Variants in CTSO observed in about 807,000 individuals in gnomAD.
The protein encoded by CTSO is cathepsin O.
Under a neutral mutation model 42.4 loss-of-function variants are expected in CTSO, and 40 were observed. That is an observed-to-expected ratio of 0.94 (90% CI 0.73 to 1.23). CTSO has a LOEUF of 1.23. Ranked by LOEUF, CTSO falls within the 50% of genes most tolerant of loss-of-function variation. The pLI, the probability that CTSO is intolerant of heterozygous loss-of-function variation, is 0.00. For synonymous variants in CTSO, 156 were observed against 146.2 expected (o/e 1.07, Z -0.48); for missense variants, 441 against 396.0 (o/e 1.11, Z -0.96).
intron 3 of CTSO, among the ~76,000 whole-genome samples, chr4:155,941,694 T>C (rs1428054418): frequency 6.6e-6 from 1 of 152,226 alleles, no homozygotes; most frequent in East Asian, 1.9e-4. Context: ...GTCATGCTAC[T>C]GCTCAATTCT....
intron 4 of CTSO, among the ~76,000 whole-genome samples, chr4:155,938,687 G>C (rs1186956526): frequency 2.6e-5 from 4 of 152,126 alleles, no homozygotes; most frequent in African/African-American, 9.7e-5. Flanking sequence ...AGCACTTTGG[G>C]AGGCTGAGGC....
intron 6 of CTSO, 96 bp downstream of exon 6, chr4:155,929,446 T>A: frequency 1.1e-5 from 14 of 1,296,402 alleles, no homozygotes; most frequent in Non-Finnish European, 1.5e-5. Context: ...GACTTAATCA[T>A]AGCAGAACCA....
intron 5 of CTSO, among the ~76,000 whole-genome samples, chr4:155,931,806 TATA>T (rs1243017221): frequency 3.3e-5 from 5 of 150,890 alleles, no homozygotes; most frequent in African/African-American, 1.2e-4. Flanking sequence ...GAATTATTAT[TATA>T]ATTATTATTA....
intron 5 of CTSO, among the ~76,000 whole-genome samples, chr4:155,935,926 A>G (rs1375918722): frequency 6.6e-6 from 1 of 151,812 alleles, no homozygotes; most frequent in East Asian, 1.9e-4. Context: ...AATGCCAACA[A>G]CTCCTGCATT....
intron 4 of CTSO, 73 bp downstream of exon 4, chr4:155,939,298 G>A: frequency 1.5e-6 from 2 of 1,316,580 alleles, no homozygotes; most frequent in Non-Finnish European, 2.1e-6. Flanking sequence ...TGAACAAACT[G>A]TTTGAATTTT....
At chr4:155,931,049 T>C (rs1034928366) in intron 5 of CTSO, among the ~76,000 whole-genome samples, 1 of 152,120 alleles carries the variant, frequency 6.6e-6, no homozygotes, top group African/African-American at 2.4e-5. Flanking sequence ...AGGATAAAAT[T>C]ATGGCATACA....
intron 1 of CTSO, among the ~76,000 whole-genome samples, chr4:155,951,483 G>A (rs1415847464): frequency 1.3e-5 from 2 of 152,178 alleles, no homozygotes; most frequent in Non-Finnish European, 2.9e-5. Flanking sequence ...CCATAGTGGA[G>A]TCTAGTTTTC....
At chr4:155,933,980 G>A (rs11734585) in intron 5 of CTSO, among the ~76,000 whole-genome samples, 94,638 of 152,188 alleles carry the variant, frequency 0.62, 32,584 homozygotes, top group East Asian at 0.9. Flanking sequence ...AGAAATTTGC[G>A]TAAGTAGCAA....
At chr4:155,937,273 C>A in intron 5 of CTSO, 89 bp downstream of exon 5, 2 of 951,468 alleles carry the variant, frequency 2.1e-6, no homozygotes, top group Non-Finnish European at 3.2e-6. Flanking sequence ...TAAGAGTATG[C>A]AGTGATGCCT....
chr4:155,933,673 T>G (rs1743274809), intron 5 of CTSO, among the ~76,000 whole-genome samples: 1 of 152,132 alleles, frequency 6.6e-6, no homozygotes, highest in Non-Finnish European at 1.5e-5. Context: ...CAGATGGAGA[T>G]GAGAAACTTG....
At chr4:155,947,303 A>G (rs188733323) in intron 1 of CTSO, among the ~76,000 whole-genome samples, 3 of 152,278 alleles carry the variant, frequency 2.0e-5, no homozygotes, top group African/African-American at 7.2e-5. Context: ...TAAAATAATA[A>G]TTGGAAAACA....
At chr4:155,946,384 A>T (rs532274058) in intron 1 of CTSO, among the ~76,000 whole-genome samples, 91 of 152,316 alleles carry the variant, frequency 6.0e-4, no homozygotes, top group African/African-American at 2.1e-3. Flanking sequence ...TGAATGTATT[A>T]TTTATTTATT....
intron 1 of CTSO, among the ~76,000 whole-genome samples, chr4:155,950,066 T>C (rs1743620016): frequency 6.6e-6 from 1 of 152,232 alleles, no homozygotes; most frequent in Non-Finnish European, 1.5e-5. Context: ...GTATTTTCTA[T>C]ACAGTGTACT....
chr4:155,939,224 T>C (rs1743383881), intron 4 of CTSO, 147 bp downstream of exon 4: 3 of 612,512 alleles, frequency 4.9e-6, no homozygotes, highest in Admixed American at 3.3e-5. Flanking sequence ...TTAAATATTC[T>C]GATTAATTAC....
rs1027611160 is a variant in CTSO, at chr4:155,924,664, T to G, written c.*1372A>C. 1 of 152,192 alleles carries G rather than the reference T, an allele frequency of 6.6e-6. No homozygotes were observed. Among genetic ancestry groups the G allele is most frequent in the Non-Finnish European group, 1.5e-5 (1 of 68,030 alleles). The allele number at this position is 152,192 out of a possible 1,614,324, so 9.4% of individuals were successfully genotyped here. A position where few individuals can be genotyped will look rare whatever the true frequency, so the allele number is the denominator to read the frequency against. Reference sequence around the variant, plus strand: ...AATAATTTTCTTGTATTGATTCATTTAATATGGTTGTGCTTATATTCAATC... The same window carrying G: ...AATAATTTTCTTGTATTGATTCATTGAATATGGTTGTGCTTATATTCAATC... On this transcript the variant is annotated 3_prime_UTR_variant, in exon 8 of 8. Coordinates refer to ENST00000433477, the MANE Select transcript of CTSO (RefSeq NM_001334.3).
At chr4:155,932,465 G>C (rs1176104020) in intron 5 of CTSO, among the ~76,000 whole-genome samples, 2 of 152,074 alleles carry the variant, frequency 1.3e-5, no homozygotes, top group African/African-American at 4.8e-5. Flanking sequence ...CAAATGCTTT[G>C]GAAGACCTTC....
intron 5 of CTSO, among the ~76,000 whole-genome samples, chr4:155,932,371 G>GC (rs1242447885): frequency 6.6e-6 from 1 of 152,008 alleles, no homozygotes; most frequent in Non-Finnish European, 1.5e-5. Context: ...TAGCTATATG[G>GC]CTCTCCCTGA....
chr4:155,943,013 A>G lies in CTSO; in HGVS notation c.244+143T>C, dbSNP rs117071947. On this transcript the variant is annotated intron_variant, in intron 2 of 7. Coordinates refer to ENST00000433477, the MANE Select transcript of CTSO (RefSeq NM_001334.3). ...TGAATTTATTTTCTTATGTGAGCAC[A>G]TGGTACATGCCTGACATTTAGTAGA... 9.1e-3 allele frequency: 4,946 copies of G among 543,990 alleles called. 232 individuals are homozygous for G. The Admixed American group carries it at 0.1, about 11-fold the overall frequency. The allele number at this position is 543,990 out of a possible 1,614,324, so 33.7% of individuals were successfully genotyped here.
chr4:155,938,763 A>G (rs897645793), intron 4 of CTSO, among the ~76,000 whole-genome samples: 1 of 152,046 alleles, frequency 6.6e-6, no homozygotes, highest in Admixed American at 6.6e-5. Flanking sequence ...TGTCTTTACT[A>G]AAAAAACAAA....
Sources: allele counts gnomAD v4.1 joint callset (sites outside exome capture counted in the v4.1 genomes callset), GRCh38; gene constraint gnomAD v4.1.1; transcripts MANE v1.5; gene names NCBI Gene and HGNC (gene_info 2026-07-23, HGNC 2026-07-21).